LTBP1: variants seen among roughly 807,000 people sequenced by gnomAD.
The protein encoded by LTBP1 is latent transforming growth factor beta binding protein 1.
Under a neutral mutation model 207.6 loss-of-function variants are expected in LTBP1, and 129 were observed. The ratio of observed to expected loss-of-function variants is 0.62; its 90% CI spans 0.54 to 0.72. The LOEUF (loss-of-function observed/expected upper bound fraction) is 0.72, where lower values mean the gene tolerates loss of function less well. Among genes scored for constraint, LTBP1 ranks in the 30% least tolerant of loss-of-function variants. The pLI, the probability that LTBP1 is intolerant of heterozygous loss-of-function variation, is 0.00. For missense variants in LTBP1, 2,281 were observed against 2,217.2 expected (o/e 1.03, Z -0.58); for synonymous variants, 963 against 833.7 (o/e 1.16, Z -2.67).
chr2:33,237,334 A>T (rs2092098652), intron 9 of LTBP1, among the ~76,000 whole-genome samples: 1 of 152,244 alleles, frequency 6.6e-6, no homozygotes, highest in South Asian at 2.1e-4. Context: ...ATTTGGCTGC[A>T]GAACCCCTCT....
At chr2:33,047,059 A>T (rs1391953134) in intron 3 of LTBP1, among the ~76,000 whole-genome samples, 2 of 152,080 alleles carry the variant, frequency 1.3e-5, no homozygotes, top group Non-Finnish European at 2.9e-5. Flanking sequence ...TTTTCCAAAA[A>T]CCAGCTCCTG....
chr2:33,344,928 T>A (rs956231923), intron 25 of LTBP1, among the ~76,000 whole-genome samples: 5 of 152,234 alleles, frequency 3.3e-5, no homozygotes, highest in African/African-American at 1.2e-4. Context: ...TGTTCATTTC[T>A]AACCAGCCAG....
intron 3 of LTBP1, among the ~76,000 whole-genome samples, chr2:33,094,047 G>C (rs1226708070): frequency 1.3e-5 from 2 of 152,126 alleles, no homozygotes; most frequent in Non-Finnish European, 2.9e-5. Context: ...GGCAATACAA[G>C]GTAGTGGGTT....
chr2:33,315,261 C>T lies in LTBP1; in HGVS notation c.3722C>T (p.Thr1241Met), dbSNP rs908287709. 14 of 1,611,182 alleles carry T rather than the reference C, an allele frequency of 8.7e-6. No homozygotes were observed. The highest frequency in any genetic ancestry group is 7.7e-5 in the South Asian group (7 of 90,400). Reference sequence around the variant, plus strand: ...TTCTCAATCTCTGCAGATGGCCGTACGTGTGAAGGTAAGATAAACCATACG... The same window carrying T: ...TTCTCAATCTCTGCAGATGGCCGTATGTGTGAAGGTAAGATAAACCATACG... The part of the protein sequence containing the change: ...QGFSISADGR[T>M]CEDIDECVNN... The change falls in exon 24 of 34, where the codon ACG (threonine) becomes ATG (methionine). Residue 1241 changes from threonine to methionine, a missense_variant. This residue lies in a region of LTBP1 where 1,671 missense variants were observed against 1,634.8 expected (regional missense o/e 1.02). Coordinates refer to ENST00000404816, the MANE Select transcript of LTBP1 (RefSeq NM_206943.4).
chr2:33,284,887 C>T (rs142940729), intron 19 of LTBP1, among the ~76,000 whole-genome samples: 148 of 152,184 alleles, frequency 9.7e-4, no homozygotes, highest in South Asian at 5.0e-3. Flanking sequence ...ATATGAAGCA[C>T]CTAGTAGGCA....
chr2:33,244,988 C>T (rs1320414128), intron 10 of LTBP1, among the ~76,000 whole-genome samples: 2 of 152,188 alleles, frequency 1.3e-5, no homozygotes, highest in African/African-American at 4.8e-5. Flanking sequence ...CAATGATTCT[C>T]CTACCTCAGC....
At chr2:33,017,707 C>T (rs992547527) in intron 2 of LTBP1, among the ~76,000 whole-genome samples, 7 of 152,196 alleles carry the variant, frequency 4.6e-5, no homozygotes, top group Admixed American at 2.6e-4. Context: ...AGCTCCGCCT[C>T]CTGGGTTCAC....
At chr2:33,220,333 C>T (rs2091019220) in intron 8 of LTBP1, among the ~76,000 whole-genome samples, 1 of 122,790 alleles carries the variant, frequency 8.1e-6, no homozygotes, top group African/African-American at 2.6e-5. Flanking sequence ...GTGTTCCACA[C>T]CTCTTTTTTT....
intron 15 of LTBP1, among the ~76,000 whole-genome samples, chr2:33,265,130 T>C (rs1342413812): frequency 4.6e-5 from 7 of 152,174 alleles, no homozygotes; most frequent in Admixed American, 4.6e-4. Flanking sequence ...AGGGTGATCT[T>C]CTTTACACAG....
intron 4 of LTBP1, among the ~76,000 whole-genome samples, chr2:33,126,671 G>C (rs895865262): frequency 6.6e-6 from 1 of 152,158 alleles, no homozygotes; most frequent in Non-Finnish European, 1.5e-5. Flanking sequence ...TTGGAGCATA[G>C]CTAGCTATAT....
chr2:32,953,212 G>A (rs1660044130), intron 2 of LTBP1, among the ~76,000 whole-genome samples: 1 of 152,242 alleles, frequency 6.6e-6, no homozygotes, highest in African/African-American at 2.4e-5. Context: ...GCTCAGAGAT[G>A]CAGTGGTGGA....
chr2:32,974,471 T>C (rs116363163), intron 2 of LTBP1, among the ~76,000 whole-genome samples: 234 of 152,292 alleles, frequency 1.5e-3, no homozygotes, highest in Non-Finnish European at 2.4e-3. Flanking sequence ...GCTCCTTACA[T>C]AGTCTTGTTA....
At chr2:33,392,388 C>T (rs557345544) in intron 32 of LTBP1, among the ~76,000 whole-genome samples, 20 of 152,154 alleles carry the variant, frequency 1.3e-4, no homozygotes, top group African/African-American at 3.6e-4. Flanking sequence ...AGTTTCACCA[C>T]GTTGGCCAGG....
At chr2:33,393,862 G>A (rs566538826) in intron 32 of LTBP1, among the ~76,000 whole-genome samples, 1 of 152,196 alleles carries the variant, frequency 6.6e-6, no homozygotes, top group Non-Finnish European at 1.5e-5. Flanking sequence ...TTGAGGAATC[G>A]CCACACTGTC....
chr2:33,009,084 C>A (rs1687322963), intron 2 of LTBP1, among the ~76,000 whole-genome samples: 1 of 152,136 alleles, frequency 6.6e-6, no homozygotes, highest in Non-Finnish European at 1.5e-5. Context: ...GGGTTTGAGG[C>A]AGAGGAGTAA....
chr2:33,038,581 A>G (rs2076035154), intron 3 of LTBP1, among the ~76,000 whole-genome samples: 1 of 152,160 alleles, frequency 6.6e-6, no homozygotes, highest in East Asian at 1.9e-4. Context: ...TTGTCCAGCA[A>G]TCTTAGTTGT....
chr2:33,088,235 C>T (rs1372230685), intron 3 of LTBP1, among the ~76,000 whole-genome samples: 5 of 152,144 alleles, frequency 3.3e-5, no homozygotes, highest in Admixed American at 2.6e-4. Flanking sequence ...GGGTGGATCA[C>T]GAGGTTGGAA....
chr2:33,109,386 C>G lies in LTBP1; in HGVS notation c.864-1196C>G, dbSNP rs2080258175. Among the ~76,000 whole-genome samples the G allele has an allele frequency of 2.6e-5, 4 of 152,226 alleles. No individual in the cohort carries two copies. In the South Asian group the frequency reaches 8.3e-4, roughly 31 times the overall value. On this transcript the variant is annotated intron_variant, in intron 3 of 33. Transcript: ENST00000404816. Reference sequence around the variant, plus strand: ...TAGAGAGCATGTTCCCTTCTAAAAGCTCAGCTTGCTGCAAAACTGCACTGT... The same window carrying G: ...TAGAGAGCATGTTCCCTTCTAAAAGGTCAGCTTGCTGCAAAACTGCACTGT...
intron 2 of LTBP1, among the ~76,000 whole-genome samples, chr2:32,986,700 G>A (rs1683641301): frequency 6.6e-6 from 1 of 152,142 alleles, no homozygotes; most frequent in African/African-American, 2.4e-5. Context: ...GCCCTGATCA[G>A]GATCCTGTCT....
Sources: gnomAD v4.1 joint callset for allele counts (sites outside exome capture counted in the v4.1 genomes callset) on GRCh38, gnomAD v4.1.1 for gene constraint, gnomAD v4.1.1 regional missense constraint, MANE v1.5 for transcripts, NCBI Gene and HGNC (gene_info 2026-07-23, HGNC 2026-07-21) for gene names.